The following RAP1GAP2 variants were observed in gnomAD, a reference collection of about 807,000 sequenced individuals.
RAP1GAP2 encodes rap1 GTPase-activating protein 2.
A neutral mutation model predicts 95.0 loss-of-function variants in RAP1GAP2; 27 were observed. The ratio of observed to expected loss-of-function variants is 0.28; its 90% CI spans 0.21 to 0.39. The LOEUF is 0.39. Ranked by LOEUF, RAP1GAP2 falls within the 10% of genes least tolerant of loss-of-function variation. The pLI is 1.00. For synonymous variants in RAP1GAP2, 373 were observed against 380.9 expected, an observed-to-expected ratio of 0.98 and a Z score of 0.24; for missense variants, 771 against 970.0, an observed-to-expected ratio of 0.79 and a Z score of 2.72.
rs2151630265 is a variant in RAP1GAP2, at chr17:2,866,438, A to G, written c.81-38846A>G. Among the ~76,000 whole-genome samples, 1 of 152,312 alleles carries G rather than the reference A, an allele frequency of 6.6e-6. No homozygotes were observed. The highest frequency in any genetic ancestry group is 1.9e-4 in the East Asian group (1 of 5,184). On this transcript the variant is annotated intron_variant, in intron 2 of 24. Coordinates refer to ENST00000254695, the MANE Select transcript of RAP1GAP2 (RefSeq NM_015085.5). This position sits in a 1 kb window ranked among gnomAD's most constrained non-coding sequence, Gnocchi z 4.0. ...GTTGGTACCCCAGTTAGAATACAAA[A>G]ACAGAGTCAGTCAGTGTTATACATG...
At chr17:2,900,050 A>G (rs1464664368) in intron 2 of RAP1GAP2, among the ~76,000 whole-genome samples, 1 of 152,140 alleles carries the variant, frequency 6.6e-6, no homozygotes, top group East Asian at 1.9e-4. Context: ...TTGGAAAGCA[A>G]GAGAAAGCGT....
chr17:2,796,697 G>A lies in RAP1GAP2; in HGVS notation c.44+126G>A, dbSNP rs1271196330. The A allele has an allele frequency of 2.2e-5, 24 of 1,091,048 alleles. No individual in the cohort carries two copies. In the Admixed American group the frequency reaches 4.5e-4, roughly 20 times the overall value. 67.6% of individuals were successfully genotyped at this position (1,091,048 alleles called of 1,614,324 possible). ...GTGCCTGAGAGCTGGGTCTGCTGAC[G>A]CCCTGGCAGGTCGAGATGCAGGATC... On this transcript the variant is annotated intron_variant, in intron 1 of 24. Transcript: ENST00000254695. This position sits in a 1 kb window ranked among gnomAD's most constrained non-coding sequence, Gnocchi z 4.7.
At chr17:2,874,074 C>T (rs953659381) in intron 2 of RAP1GAP2, among the ~76,000 whole-genome samples, 4 of 152,194 alleles carry the variant, frequency 2.6e-5, no homozygotes, top group African/African-American at 9.7e-5. Flanking sequence ...CTGCACCTGG[C>T]CTGGCTTTCT....
At chr17:2,793,102 C>G (rs745442116), upstream of RAP1GAP2, among the ~76,000 whole-genome samples, 1 of 152,038 alleles carries the variant, frequency 6.6e-6, no homozygotes, top group Non-Finnish European at 1.5e-5. Context: ...AAAGATGGGC[C>G]TGTCATTAAC....
chr17:2,886,886 C>T (rs2073522158), intron 2 of RAP1GAP2, among the ~76,000 whole-genome samples: 1 of 152,196 alleles, frequency 6.6e-6, no homozygotes, highest in Non-Finnish European at 1.5e-5. Flanking sequence ...GTGCCACTTA[C>T]TTGCTGCAGG....
rs539724715 is a variant in RAP1GAP2, at chr17:2,915,991, C to T, written c.165+10623C>T. 2.6e-5 allele frequency among the ~76,000 whole-genome samples: 4 copies of T among 152,288 alleles called. No homozygotes were observed. In the East Asian group the frequency reaches 5.8e-4, roughly 22 times the overall value. On this transcript the variant is annotated intron_variant, in intron 3 of 24. Transcript: ENST00000254695. ...CTGGGATTACAGGCATGAGCCACTG[C>T]GCCCGGCTAGAAGCTTTATTGTTTT...
intron 22 of RAP1GAP2, among the ~76,000 whole-genome samples, chr17:3,030,140 T>C (rs890249071): frequency 1.4e-5 from 2 of 146,578 alleles, no homozygotes; most frequent in African/African-American, 2.5e-5. Context: ...ATATATATTA[T>C]ATGTTATATG....
In RAP1GAP2 at chr17:2,997,902, A is replaced by G. The variant is rs1284760644; in HGVS notation, c.1045-319A>G. On this transcript the variant is annotated intron_variant, in intron 13 of 24. Coordinates refer to ENST00000254695, the MANE Select transcript of RAP1GAP2 (RefSeq NM_015085.5). ...CGTGCCACGGCACTCCAGCCTGGGC[A>G]ACACAGTGAGACCCTGTCTCAAAAA... 3.3e-5 allele frequency among the ~76,000 whole-genome samples: 5 copies of G among 150,556 alleles called. No individual in the cohort carries two copies. The East Asian group carries it at 5.9e-4, about 18-fold the overall frequency.
rs891470390 is a variant in RAP1GAP2 at position 2,830,582 on chromosome 17, C to T, written c.80+30032C>T. On this transcript the variant is annotated intron_variant, in intron 2 of 24. Transcript: ENST00000254695. Reference sequence around the variant, plus strand: ...TACAAAAATTAGCTGGGCGTGGTGGCGGGCGCCTGTAGTCCCAGCTACTCA... The same window carrying T: ...TACAAAAATTAGCTGGGCGTGGTGGTGGGCGCCTGTAGTCCCAGCTACTCA... Among the ~76,000 whole-genome samples the T allele has an allele frequency of 1.8e-4, 28 of 151,424 alleles. 1 individual carries two copies. The highest frequency in any genetic ancestry group is 1.3e-3 in the Admixed American group (20 of 15,196).
intron 2 of RAP1GAP2, among the ~76,000 whole-genome samples, chr17:2,887,666 C>T (rs1177548715): frequency 4.0e-5 from 6 of 148,232 alleles, no homozygotes; most frequent in African/African-American, 7.4e-5. Flanking sequence ...TGAGCCACCG[C>T]GCTTGGTTTT....
intron 18 of RAP1GAP2, among the ~76,000 whole-genome samples, chr17:3,018,950 C>A (rs930213953): frequency 6.6e-6 from 1 of 152,176 alleles, no homozygotes; most frequent in Non-Finnish European, 1.5e-5. Context: ...GTAATCCCAG[C>A]TACTCAGGAG....
chr17:3,014,632 C>T (rs1222586034), intron 17 of RAP1GAP2, among the ~76,000 whole-genome samples: 1 of 151,358 alleles, frequency 6.6e-6, no homozygotes, highest in Non-Finnish European at 1.5e-5. Flanking sequence ...TCACTGCAAC[C>T]CCAGCCTCCT....
chr17:3,025,336 C>T (rs1157555574), intron 19 of RAP1GAP2, among the ~76,000 whole-genome samples: 1 of 152,194 alleles, frequency 6.6e-6, no homozygotes, highest in Non-Finnish European at 1.5e-5. Context: ...AAGATCGCAC[C>T]ACTGCACTCC....
intron 3 of RAP1GAP2, among the ~76,000 whole-genome samples, chr17:2,951,062 C>G (rs1243943891): frequency 6.6e-6 from 1 of 152,228 alleles, no homozygotes; most frequent in Non-Finnish European, 1.5e-5. Flanking sequence ...TCTGCTGCAC[C>G]TAAACCTAAA....
intron 2 of RAP1GAP2, among the ~76,000 whole-genome samples, chr17:2,889,675 G>A (rs1424011028): frequency 7.4e-6 from 1 of 135,818 alleles, no homozygotes; most frequent in Non-Finnish European, 1.6e-5. Context: ...ATCGATCTGC[G>A]CTGGATTTTT....
At chr17:3,020,333 A>G in intron 18 of RAP1GAP2, 144 bp from the exon 19 acceptor site, 1 of 668,868 alleles carries the variant, frequency 1.5e-6, no homozygotes, top group Admixed American at 2.4e-5. Flanking sequence ...CTTCAGTTAC[A>G]TAGATCTCAA....
At chr17:2,927,367 A>G (rs531847956) in intron 3 of RAP1GAP2, among the ~76,000 whole-genome samples, 547 of 151,932 alleles carry the variant, frequency 3.6e-3, no homozygotes, top group South Asian at 7.9e-3. Flanking sequence ...GTTAGCCAGG[A>G]TGGTCTCGAT....
At position 2,797,723 on chromosome 17, in the gene RAP1GAP2, C is replaced by T. The variant is rs1021960010; in HGVS notation, c.44+1152C>T. On this transcript the variant is annotated intron_variant, in intron 1 of 24. Coordinates refer to ENST00000254695, the MANE Select transcript of RAP1GAP2 (RefSeq NM_015085.5). This position sits in a 1 kb window ranked among gnomAD's most constrained non-coding sequence, Gnocchi z 5.6. ...TGCGGATGAGAAGATGGCACAGCGTCGCCTGTGTCTGCTCTCGGGCCCTCC... is the reference window on the plus strand; with the variant it reads ...TGCGGATGAGAAGATGGCACAGCGTTGCCTGTGTCTGCTCTCGGGCCCTCC... 3.5e-5 allele frequency: 34 copies of T among 985,262 alleles called. No individual in the cohort carries two copies. Among genetic ancestry groups the T allele is most frequent in the Admixed American group, 1.2e-4 (2 of 16,262 alleles). The allele number at this position is 985,262 out of a possible 1,614,324, so 61.0% of individuals were successfully genotyped here.
At chr17:3,032,544 G>A (rs140850380) in intron 24 of RAP1GAP2, 95 bp downstream of exon 24, 2 of 1,216,082 alleles carry the variant, frequency 1.6e-6, no homozygotes, top group African/African-American at 1.5e-5. Context: ...AGAATGGCCG[G>A]AGAGATGCCG....
Sources: gnomAD v4.1 joint callset for allele counts (sites outside exome capture counted in the v4.1 genomes callset) on GRCh38, gnomAD v4.1.1 for gene constraint, Gnocchi (gnomAD v3.1) non-coding constraint, MANE v1.5 for transcripts, NCBI Gene and HGNC (gene_info 2026-07-23, HGNC 2026-07-21) for gene names.